SEMA4B: variants seen among roughly 807,000 people sequenced by gnomAD.
SEMA4B encodes semaphorin-4B.
In SEMA4B, 55 loss-of-function variants were observed where a neutral mutation model predicts 88.1. The observed-to-expected ratio is 0.62, with a 90% CI of 0.50 to 0.78. The LOEUF is 0.78. Among genes scored for constraint, SEMA4B ranks in the 30% least tolerant of loss-of-function variants. The probability of loss-of-function intolerance (pLI) is 0.00; values close to 1 mark genes in which losing one functional copy is unlikely to be tolerated. For missense variants in SEMA4B, 1,062 were observed against 1,111.9 expected (o/e 0.96, Z 0.64); for synonymous variants, 525 against 473.6 (o/e 1.11, Z -1.41).
Position 90,217,572 on chromosome 15 carries a change from C to A in SEMA4B, c.291C>A (p.Leu97=). The change falls in exon 2 of 14, where the codon CTC becomes CTA. Residue 97 remains leucine, a synonymous_variant. Coordinates refer to ENST00000411539, the MANE Select transcript of SEMA4B (RefSeq NM_198925.4). The stretch of plus-strand genomic sequence containing the variant: ...CCCTCTTTGCACTCAGTAGCAACCT[C>A]AGCTTCCTGCCAGGCGGGGAGTACC... ...REALFALSSN[L]SFLPGGEYQE... The A allele has an allele frequency of 6.2e-7, 1 of 1,613,958 alleles. No individual in the cohort carries two copies. The highest frequency in any genetic ancestry group is 1.6e-4 in the Middle Eastern group (1 of 6,062).
intron 1 of SEMA4B, among the ~76,000 whole-genome samples, chr15:90,207,351 C>T (rs1424226835): frequency 6.6e-6 from 1 of 152,106 alleles, no homozygotes. Context: ...ATCATTTTAC[C>T]ATACTCCTAA....
intron 1 of SEMA4B, among the ~76,000 whole-genome samples, chr15:90,209,963 C>T (rs994797579): frequency 1.3e-4 from 20 of 152,166 alleles, no homozygotes; most frequent in African/African-American, 2.2e-4. Context: ...AGAACAGTGA[C>T]GGCTCCCAGA....
intron 5 of SEMA4B, 27 bp downstream of exon 5, chr15:90,221,120 A>G (rs1961814920): frequency 6.6e-7 from 1 of 1,515,472 alleles, no homozygotes; most frequent in Non-Finnish European, 9.1e-7. Context: ...GGATGGCTTC[A>G]TTGAGGTTCC....
At chr15:90,215,249 T>C (rs1961478560) in intron 1 of SEMA4B, among the ~76,000 whole-genome samples, 1 of 151,944 alleles carries the variant, frequency 6.6e-6, no homozygotes, top group South Asian at 2.1e-4. Flanking sequence ...ATTTATATAT[T>C]TCACATTATA....
Position 90,223,635 on chromosome 15 carries a change from C to A in SEMA4B, c.938C>A (p.Pro313His), listed in dbSNP as rs1961981154. The A allele has an allele frequency of 6.2e-7, 1 of 1,613,482 alleles. No homozygotes were observed. Among genetic ancestry groups the A allele is most frequent in the Admixed American group, 1.7e-5 (1 of 59,976 alleles). ...FLKAQLLCSRPDDGFPFNVLQ... is the reference protein window; with the variant it reads ...FLKAQLLCSRHDDGFPFNVLQ... ...AAGGCCCAGCTGCTGTGCTCACGGCCCGACGATGGCTTCCCCTTCAACGTG... is the reference window on the plus strand; with the variant it reads ...AAGGCCCAGCTGCTGTGCTCACGGCACGACGATGGCTTCCCCTTCAACGTG... The change falls in exon 8 of 14, where the codon CCC (proline) becomes CAC (histidine). Residue 313 changes from proline (P) to histidine (H), a missense_variant. Pro to His is a moderately conservative substitution (Grantham distance 77). Coordinates refer to ENST00000411539, the MANE Select transcript of SEMA4B (RefSeq NM_198925.4).
chr15:90,220,370 T>TC (rs1567057486), intron 4 of SEMA4B, among the ~76,000 whole-genome samples: 6 of 137,442 alleles, frequency 4.4e-5, no homozygotes, highest in African/African-American at 1.4e-4. Flanking sequence ...TTCTTTTCTT[T>TC]TTTTTTTTTT....
intron 3 of SEMA4B, among the ~76,000 whole-genome samples, chr15:90,218,232 G>T (rs575982603): frequency 6.6e-5 from 10 of 152,196 alleles, no homozygotes; most frequent in Non-Finnish European, 1.3e-4. Context: ...TAGCACATCT[G>T]ACAGATTCTG....
intron 1 of SEMA4B, among the ~76,000 whole-genome samples, chr15:90,190,109 C>T (rs1960301489): frequency 6.6e-6 from 1 of 152,186 alleles, no homozygotes; most frequent in African/African-American, 2.4e-5. Context: ...TGGTGTGGTG[C>T]CCACCAGCCG....
chr15:90,227,728 C>T, intron 13 of SEMA4B, 86 bp downstream of exon 13: 1 of 1,490,556 alleles, frequency 6.7e-7, no homozygotes, highest in Non-Finnish European at 9.2e-7. Flanking sequence ...TTGTAAATGC[C>T]TTTCCTCACT....
chr15:90,185,171 C>A, intron 1 of SEMA4B: 1 of 714,604 alleles, frequency 1.4e-6, no homozygotes, highest in Non-Finnish European at 1.7e-6. Flanking sequence ...CTGCCCCCAC[C>A]CTTGCACCCG....
chr15:90,227,753 C>G (rs1288628100), intron 13 of SEMA4B, 111 bp downstream of exon 13: 1 of 1,455,398 alleles, frequency 6.9e-7, no homozygotes, highest in Non-Finnish European at 9.4e-7. Context: ...TGCCCCCTAC[C>G]CCTGTAAGCA....
chr15:90,226,371 C>T (rs943179368), intron 12 of SEMA4B, among the ~76,000 whole-genome samples: 2 of 152,140 alleles, frequency 1.3e-5, no homozygotes, highest in African/African-American at 4.8e-5. Context: ...TTTGGAGACT[C>T]GCTCTGTCGC....
intron 1 of SEMA4B, among the ~76,000 whole-genome samples, chr15:90,185,501 A>T (rs374335431): frequency 2.0e-5 from 3 of 152,212 alleles, no homozygotes; most frequent in East Asian, 3.9e-4. Context: ...AAGGTGCTAG[A>T]AGGAGAAGGC....
chr15:90,228,587 G>T lies in SEMA4B; in HGVS notation c.2458G>T (p.Val820Leu), dbSNP rs866965844. The T allele has an allele frequency of 1.2e-6, 2 of 1,613,542 alleles. No homozygotes were observed. The highest frequency in any genetic ancestry group is 2.7e-5 in the African/African-American group (2 of 74,950). The change falls in exon 14 of 14, where the codon GTG becomes TTG. Residue 820 changes from valine to leucine, a missense_variant. Transcript: ENST00000411539. ...AGACAGCTTCGTGGAGGTATCCCCA[G>T]TGTGCCCCCGGCCCCGGGTCCGCCT... ...IQDSFVEVSP[V>L]CPRPRVRLGS...
At chr15:90,221,532 C>G (rs1961843912) in intron 6 of SEMA4B, 52 bp downstream of exon 6, 5 of 1,608,100 alleles carry the variant, frequency 3.1e-6, no homozygotes, top group Non-Finnish European at 4.3e-6. Flanking sequence ...TCACCCAGCC[C>G]TAGAAGGGGG....
Position 90,223,976 on chromosome 15 carries a change from C to T in SEMA4B, c.1182C>T (p.Pro394=). The stretch of plus-strand genomic sequence containing the variant: ...CCGTGACCCACCCGGTGCCCACACC[C>T]CGGCCTGGAGCGGTGGGTACTGGCT... ...WYTVTHPVPT[P]RPGACITNSA... The change falls in exon 9 of 14, where the codon CCC becomes CCT. Residue 394 remains proline (P), a synonymous_variant. Transcript: ENST00000411539. The T allele has an allele frequency of 8.7e-6, 14 of 1,613,014 alleles. No individual in the cohort carries two copies. The highest frequency in any genetic ancestry group is 1.2e-5 in the Non-Finnish European group (14 of 1,179,716).
At chr15:90,185,168 C>G (rs1473482509) in intron 1 of SEMA4B, 6 of 708,110 alleles carry the variant, frequency 8.5e-6, no homozygotes, top group African/African-American at 3.8e-5. Flanking sequence ...CCGCTGCCCC[C>G]ACCCTTGCAC....
chr15:90,204,994 C>T (rs747361927), intron 1 of SEMA4B, among the ~76,000 whole-genome samples: 1 of 152,092 alleles, frequency 6.6e-6, no homozygotes, highest in African/African-American at 2.4e-5. Flanking sequence ...AGGCTGGTCT[C>T]GAACTTCTGA....
chr15:90,223,503 A>G, intron 7 of SEMA4B, 56 bp from the exon 8 acceptor site: 1 of 1,476,150 alleles, frequency 6.8e-7, no homozygotes, highest in African/African-American at 1.4e-5. Flanking sequence ...TGTGCCGTGC[A>G]TCCCCGTCAT....
Sources: allele counts gnomAD v4.1 joint callset (sites outside exome capture counted in the v4.1 genomes callset), GRCh38; gene constraint gnomAD v4.1.1; transcripts MANE v1.5; gene names NCBI Gene and HGNC (gene_info 2026-07-23, HGNC 2026-07-21).